Variants in CDH6 observed in about 807,000 individuals in gnomAD.
CDH6 encodes cadherin-6.
CDH6 carries 31 observed loss-of-function variants against 78.0 expected under a neutral mutation model. The ratio of observed to expected loss-of-function variants is 0.40; its 90% CI spans 0.30 to 0.54. CDH6 has a LOEUF of 0.54. CDH6 is among the 20% of genes least tolerant of loss of function. The pLI, the probability that CDH6 is intolerant of heterozygous loss-of-function variation, is 0.56. For missense variants in CDH6, 724 were observed against 975.9 expected, an observed-to-expected ratio of 0.74 and a Z score of 3.44; for synonymous variants, 376 against 368.8, an observed-to-expected ratio of 1.02 and a Z score of -0.23.
At chr5:31,201,803 C>T (rs767311041) in intron 1 of CDH6, among the ~76,000 whole-genome samples, 1 of 152,098 alleles carries the variant, frequency 6.6e-6, no homozygotes, top group Non-Finnish European at 1.5e-5. Context: ...ATATTTAAAA[C>T]ACCAAAAAGA....
At chr5:31,242,235 A>G (rs1376573199) in intron 1 of CDH6, among the ~76,000 whole-genome samples, 3 of 152,242 alleles carry the variant, frequency 2.0e-5, no homozygotes, top group East Asian at 1.9e-4. Flanking sequence ...AGTGAGATTT[A>G]CATGTAATAA....
chr5:31,320,743 C>T (rs1347767048), intron 11 of CDH6, among the ~76,000 whole-genome samples: 4 of 152,054 alleles, frequency 2.6e-5, no homozygotes, highest in African/African-American at 4.8e-5. Flanking sequence ...TTTGCGAGGC[C>T]GAGGCAGGTG....
chr5:31,227,440 A>C (rs1741184200), intron 1 of CDH6, among the ~76,000 whole-genome samples: 2 of 152,164 alleles, frequency 1.3e-5, no homozygotes, highest in African/African-American at 2.4e-5. Context: ...TAATATAATA[A>C]ATAAACAAGC....
chr5:31,310,863 C>T (rs1738129174), intron 7 of CDH6, among the ~76,000 whole-genome samples: 1 of 152,220 alleles, frequency 6.6e-6, no homozygotes, highest in Non-Finnish European at 1.5e-5. Flanking sequence ...CTGCACAGAG[C>T]AGCTAGGCCC....
intron 7 of CDH6, among the ~76,000 whole-genome samples, chr5:31,308,970 G>A (rs529384204): frequency 2.6e-4 from 39 of 151,864 alleles, no homozygotes; most frequent in Non-Finnish European, 4.6e-4. Flanking sequence ...TGAATATTGA[G>A]ATTTCCTTTT....
At chr5:31,277,982 CAT>C (rs1228016991) in intron 2 of CDH6, among the ~76,000 whole-genome samples, 4 of 152,252 alleles carry the variant, frequency 2.6e-5, no homozygotes, top group African/African-American at 7.2e-5. Context: ...CATTACCTCA[CAT>C]AGTTACCATT....
At chr5:31,284,097 G>A (rs2149942104) in intron 2 of CDH6, among the ~76,000 whole-genome samples, 1 of 152,304 alleles carries the variant, frequency 6.6e-6, no homozygotes, top group East Asian at 1.9e-4. Context: ...TTACAGGAAT[G>A]AGCCACCGTG....
At chr5:31,265,637 A>C (rs1169348563) in intron 1 of CDH6, among the ~76,000 whole-genome samples, 1 of 152,106 alleles carries the variant, frequency 6.6e-6, no homozygotes, top group Non-Finnish European at 1.5e-5. Flanking sequence ...AAAAAATACT[A>C]ATCAGATTAC....
intron 4 of CDH6, 113 bp from the exon 5 acceptor site, chr5:31,299,351 C>A (rs1737693519): frequency 2.6e-6 from 2 of 765,778 alleles, no homozygotes; most frequent in Non-Finnish European, 4.3e-6. Context: ...ACCATGACAT[C>A]TGCATAGCAT....
At chr5:31,269,177 CT>C (rs1319906189) in intron 2 of CDH6, among the ~76,000 whole-genome samples, 1 of 150,212 alleles carries the variant, frequency 6.7e-6, no homozygotes, top group Non-Finnish European at 1.5e-5. Flanking sequence ...TTAAAAAGTG[CT>C]TTATCTAAAT....
chr5:31,223,203 C>T (rs1202467457), intron 1 of CDH6, among the ~76,000 whole-genome samples: 4 of 152,098 alleles, frequency 2.6e-5, no homozygotes, highest in African/African-American at 9.7e-5. Flanking sequence ...TATTTAGAAG[C>T]CCTTTTAAAA....
chr5:31,254,361 C>T (rs1044532075), intron 1 of CDH6, among the ~76,000 whole-genome samples: 2 of 152,058 alleles, frequency 1.3e-5, no homozygotes, highest in African/African-American at 2.4e-5. Context: ...AATTGTATGC[C>T]GAGGTTGCTA....
chr5:31,310,892 C>G lies in CDH6; in HGVS notation c.1254-2426C>G, dbSNP rs1009755113. Among the ~76,000 whole-genome samples, 3 of 152,204 alleles carry G rather than the reference C, an allele frequency of 2.0e-5. No individual in the cohort carries two copies. The East Asian group carries it at 5.8e-4, about 29-fold the overall frequency. The stretch of plus-strand genomic sequence containing the variant: ...TAGGCCCTAGGCCTTGCCCATAAAA[C>G]CATTTTTTTTCCTCCTATGCCTCTG... On this transcript the variant is annotated intron_variant, in intron 7 of 11. Transcript: ENST00000265071.
At chr5:31,256,189 T>C (rs1332882664) in intron 1 of CDH6, among the ~76,000 whole-genome samples, 1 of 152,250 alleles carries the variant, frequency 6.6e-6, no homozygotes, top group Admixed American at 6.5e-5. Context: ...ATTTTAGTGA[T>C]GTTGTAAACA....
intron 1 of CDH6, among the ~76,000 whole-genome samples, chr5:31,225,494 C>G (rs551053099): frequency 1.3e-5 from 2 of 152,006 alleles, no homozygotes; most frequent in Admixed American, 1.3e-4. Context: ...GTTCCACAGG[C>G]TGTACAGGAA....
At position 31,324,218 on chromosome 5, in the gene CDH6, A is replaced by G. The variant is rs1738559190; in HGVS notation, c.*910A>G. 4.7e-6 allele frequency: 1 copy of G among 214,866 alleles called. No individual in the cohort carries two copies. Among genetic ancestry groups the G allele is most frequent in the African/African-American group, 2.2e-5 (1 of 44,450 alleles). 13.3% of individuals were successfully genotyped at this position (214,866 alleles called of 1,614,324 possible). On this transcript the variant is annotated 3_prime_UTR_variant, in exon 12 of 12. Coordinates refer to ENST00000265071, the MANE Select transcript of CDH6 (RefSeq NM_004932.4). ...AGACAAATTTTAACTTCTTGTCTATAGTTGTCAGTATTATTCTACTATACT... is the reference window on the plus strand; with the variant it reads ...AGACAAATTTTAACTTCTTGTCTATGGTTGTCAGTATTATTCTACTATACT...
chr5:31,307,132 G>A (rs1034349761), intron 7 of CDH6, among the ~76,000 whole-genome samples: 51 of 152,150 alleles, frequency 3.4e-4, no homozygotes, highest in African/African-American at 1.2e-3. Flanking sequence ...AGTGTAGCAG[G>A]TCCTGTAGGG....
At chr5:31,232,751 T>C (rs141702692) in intron 1 of CDH6, among the ~76,000 whole-genome samples, 2,944 of 152,326 alleles carry the variant, frequency 0.019, 42 homozygotes, top group Non-Finnish European at 0.029. Context: ...TATCATCTAT[T>C]CATTTGGATA....
chr5:31,237,532 T>A lies in CDH6; in HGVS notation c.-128-29814T>A, dbSNP rs1468699722. On this transcript the variant is annotated intron_variant, in intron 1 of 11. Transcript: ENST00000265071. ...TTTATTCCTCACCAACAGTAATAAA[T>A]CTGAGCCTCTCTCCATATAGAATCT... 2.0e-5 allele frequency among the ~76,000 whole-genome samples: 3 copies of A among 152,152 alleles called. No homozygotes were observed. The East Asian group carries it at 5.8e-4, about 29-fold the overall frequency.
Sources: gnomAD v4.1 joint callset for allele counts (sites outside exome capture counted in the v4.1 genomes callset) on GRCh38, gnomAD v4.1.1 for gene constraint, MANE v1.5 for transcripts, NCBI Gene and HGNC (gene_info 2026-07-23, HGNC 2026-07-21) for gene names.